MYO18A: variants seen among roughly 807,000 people sequenced by gnomAD.
The protein encoded by MYO18A is unconventional myosin-XVIIIa.
Under a neutral mutation model 235.8 loss-of-function variants are expected in MYO18A, and 78 were observed. The observed-to-expected ratio is 0.33, with a 90% CI of 0.28 to 0.40. The LOEUF is 0.40. Among genes scored for constraint, MYO18A ranks in the 10% least tolerant of loss-of-function variants. MYO18A has a pLI of 1.00. For missense variants in MYO18A, 2,215 were observed against 2,699.3 expected (o/e 0.82, Z 3.98); for synonymous variants, 977 against 1,077.8 (o/e 0.91, Z 1.83).
In MYO18A at chr17:29,111,623, A is replaced by G. The variant is rs371398619; in HGVS notation, c.2741-40T>C. On this transcript the variant is annotated intron_variant, in intron 16 of 41. Transcript: ENST00000527372. The surrounding 1 kb of genome is among the most constrained non-coding windows in gnomAD (Gnocchi z 5.1). ...AGCAAGATTTAGGTCGTCAGGGTAC[A>G]GGCACAAAGTGACCCCCGCCCCCTC... 63 of 1,612,498 alleles carry G rather than the reference A, an allele frequency of 3.9e-5. No homozygotes were observed. In the African/African-American group the frequency reaches 7.5e-4, roughly 19 times the overall value.
Position 29,074,437 on chromosome 17 carries a change from A to T in MYO18A, c.*333T>A. ...GGCAACCTGTCCACCGTCCCTGAGCAGGGAGCTGAGAGGGAGGTCAACGTG... is the reference window on the plus strand; with the variant it reads ...GGCAACCTGTCCACCGTCCCTGAGCTGGGAGCTGAGAGGGAGGTCAACGTG... On this transcript the variant is annotated 3_prime_UTR_variant, in exon 42 of 42. Transcript: ENST00000527372. The surrounding 1 kb of genome is among the most constrained non-coding windows in gnomAD (Gnocchi z 4.4). The T allele has an allele frequency of 1.7e-6, 1 of 587,764 alleles. No homozygotes were observed. The highest frequency in any genetic ancestry group is 3.1e-6 in the Non-Finnish European group (1 of 324,862). The allele number at this position is 587,764 out of a possible 1,614,324, so 36.4% of individuals were successfully genotyped here.
chr17:29,092,277 G>A, intron 34 of MYO18A, 66 bp downstream of exon 34: 1 of 1,211,742 alleles, frequency 8.3e-7, no homozygotes, highest in South Asian at 1.3e-5. Context: ...GGTGAAGGGA[G>A]CCACAGAGGC....
intron 2 of MYO18A, among the ~76,000 whole-genome samples, chr17:29,152,616 C>G (rs191196612): frequency 6.6e-6 from 1 of 152,284 alleles, no homozygotes; most frequent in Non-Finnish European, 1.5e-5. Flanking sequence ...CAGAGCTGAG[C>G]CATTAACAGG....
At chr17:29,132,915 C>T (rs754340620) in intron 2 of MYO18A, among the ~76,000 whole-genome samples, 18 of 152,300 alleles carry the variant, frequency 1.2e-4, no homozygotes, top group Non-Finnish European at 8.8e-5. Flanking sequence ...CCATCACTCT[C>T]CCCCTTGCTG....
chr17:29,168,682 G>A (rs754260626), intron 1 of MYO18A, among the ~76,000 whole-genome samples: 3 of 152,166 alleles, frequency 2.0e-5, no homozygotes, highest in Non-Finnish European at 4.4e-5. Flanking sequence ...AGGCATCAAG[G>A]TCAGAAATTC....
chr17:29,141,480 T>C (rs2067738865), intron 2 of MYO18A, among the ~76,000 whole-genome samples: 2 of 151,856 alleles, frequency 1.3e-5, no homozygotes, highest in African/African-American at 2.4e-5. Context: ...GAAGCCCTGA[T>C]ACAGAACCGC....
At position 29,071,354 on chromosome 17, in the gene MYO18A, C is replaced by G. The variant is rs573801221; in HGVS notation, c.*3416G>C. The stretch of plus-strand genomic sequence containing the variant: ...ACCATGAGTGTACAGGTAAGGTCAA[C>G]AGCAGAGCCTTCAAGGTACACCCAA... On this transcript the variant is annotated 3_prime_UTR_variant, in exon 42 of 42. Transcript: ENST00000527372. 1 of 152,368 alleles carries G rather than the reference C, an allele frequency of 6.6e-6. No homozygotes were observed. Among genetic ancestry groups the G allele is most frequent in the East Asian group, 1.9e-4 (1 of 5,186 alleles). The allele number at this position is 152,368 out of a possible 1,614,324, so 9.4% of individuals were successfully genotyped here.
chr17:29,164,477 C>A (rs939445798), intron 2 of MYO18A, among the ~76,000 whole-genome samples: 1 of 152,184 alleles, frequency 6.6e-6, no homozygotes, highest in Non-Finnish European at 1.5e-5. Flanking sequence ...CTCTTCAGGC[C>A]CAAGGTACTA....
At chr17:29,127,833 T>C in intron 2 of MYO18A, 1 of 985,362 alleles carries the variant, frequency 1.0e-6, no homozygotes, top group Non-Finnish European at 1.2e-6. Flanking sequence ...CAGGAGCGGT[T>C]AGTGACACAC....
At chr17:29,131,302 CGCACACACACATGCACGCAT>C (rs1308480528) in intron 2 of MYO18A, 57 of 791,608 alleles carry the variant, frequency 7.2e-5, no homozygotes, top group African/African-American at 3.1e-4. Flanking sequence ...AACACACACA[CGCACACACACATGCACGCAT>C]GCACACACAC....
chr17:29,092,355 T>C lies in MYO18A; in HGVS notation c.5175A>G (p.Lys1725=), dbSNP rs374451241. ...CTTGGCCCCTCACCGCTGTCTTGGCTTTGGCGATGTCATCAATCTGCAGGT... is the reference window on the plus strand; with the variant it reads ...CTTGGCCCCTCACCGCTGTCTTGGCCTTGGCGATGTCATCAATCTGCAGGT... ...DLHLQIDDIA[K]AKTALEEQLS... Residue 1725 remains lysine (K), a synonymous_variant, in exon 34 of 42, where the codon AAA becomes AAG. Coordinates refer to ENST00000527372, the MANE Select transcript of MYO18A (RefSeq NM_078471.4). 84 of 1,610,468 alleles carry C rather than the reference T, an allele frequency of 5.2e-5. No homozygotes were observed. The African/African-American group carries it at 1.0e-3, about 20-fold the overall frequency.
intron 2 of MYO18A, among the ~76,000 whole-genome samples, chr17:29,142,306 C>T (rs997039650): frequency 6.6e-6 from 1 of 152,220 alleles, no homozygotes; most frequent in African/African-American, 2.4e-5. Context: ...AACTGCAAGA[C>T]TCTAAGGCCA....
At position 29,095,035 on chromosome 17, in the gene MYO18A, C is replaced by T. The variant is rs2320786; in HGVS notation, c.4410G>A (p.Ala1470=). Residue 1470 remains alanine, a synonymous_variant, in exon 29 of 42, where the codon GCG becomes GCA. Coordinates refer to ENST00000527372, the MANE Select transcript of MYO18A (RefSeq NM_078471.4). ...GCTTCTCCCGCTGGGCCTCCTCATG[C>T]GCCTGCGAGAGCTCACTGTCAAACC... is the stretch of plus-strand genomic sequence containing the variant. ...QRRFDSELSQ[A]HEEAQREKLQ... is the part of the protein sequence containing the mutation. 565,704 of 1,562,120 alleles carry T rather than the reference C, an allele frequency of 0.36. 109,335 individuals carry two copies. The highest frequency in any genetic ancestry group is 0.85 in the East Asian group (35,568 of 42,040).
At chr17:29,128,258 G>T in intron 2 of MYO18A, 3 of 1,166,930 alleles carry the variant, frequency 2.6e-6, no homozygotes, top group Non-Finnish European at 3.2e-6. Flanking sequence ...GCTTCGAGTC[G>T]GGTGCTCGGG....
At chr17:29,083,602 C>G (rs1227457645) in intron 40 of MYO18A, among the ~76,000 whole-genome samples, 2 of 151,436 alleles carry the variant, frequency 1.3e-5, no homozygotes, top group African/African-American at 4.9e-5. Flanking sequence ...GAGCCCAACT[C>G]ATAGAGAGGG....
At position 29,115,444 on chromosome 17, in the gene MYO18A, G is replaced by T; in HGVS notation, c.2228-3C>A. 6.2e-7 allele frequency: 1 copy of T among 1,613,208 alleles called. No homozygotes were observed. Reference sequence around the variant, plus strand: ...CTCCAGTGCACTCAGTTTCGGGCCTGTGGGGCAGGGGGAGCAGCGCTATCT... The same window carrying T: ...CTCCAGTGCACTCAGTTTCGGGCCTTTGGGGCAGGGGGAGCAGCGCTATCT... On this transcript the variant is annotated splice_polypyrimidine_tract_variant and splice_region_variant and intron_variant, in intron 12 of 41. Transcript: ENST00000527372.
At chr17:29,114,859 G>A in intron 14 of MYO18A, 48 bp downstream of exon 14, 7 of 1,570,934 alleles carry the variant, frequency 4.5e-6, no homozygotes, top group Non-Finnish European at 6.1e-6. Flanking sequence ...CGCTGTGGGT[G>A]CCAAGGCCAG....
intron 2 of MYO18A, among the ~76,000 whole-genome samples, chr17:29,138,166 AG>A (rs2067650794): frequency 6.6e-6 from 1 of 152,158 alleles, no homozygotes; most frequent in Non-Finnish European, 1.5e-5. Context: ...GCCACGCCTC[AG>A]GCAGCCCCTC....
chr17:29,074,388 C>G lies in MYO18A; in HGVS notation c.*382G>C. The G allele has an allele frequency of 1.6e-6, 1 of 643,138 alleles. No individual in the cohort carries two copies. The highest frequency in any genetic ancestry group is 3.0e-5 in the Admixed American group (1 of 33,410). 39.8% of individuals were successfully genotyped at this position (643,138 alleles called of 1,614,324 possible). Reference sequence around the variant, plus strand: ...TCCTCCCCCAATCCTCCCCATGGACCCAGCAACCTAGAGTGTCCCAGTAGG... The same window carrying G: ...TCCTCCCCCAATCCTCCCCATGGACGCAGCAACCTAGAGTGTCCCAGTAGG... On this transcript the variant is annotated 3_prime_UTR_variant, in exon 42 of 42. Coordinates refer to ENST00000527372, the MANE Select transcript of MYO18A (RefSeq NM_078471.4). The surrounding 1 kb of genome is among the most constrained non-coding windows in gnomAD (Gnocchi z 4.4).
Sources: gnomAD v4.1 joint callset for allele counts (sites outside exome capture counted in the v4.1 genomes callset) on GRCh38, gnomAD v4.1.1 for gene constraint, Gnocchi (gnomAD v3.1) non-coding constraint, MANE v1.5 for transcripts, NCBI Gene and HGNC (gene_info 2026-07-23, HGNC 2026-07-21) for gene names.